The following NEK11 variants were observed in gnomAD, a reference collection of about 807,000 sequenced individuals.
NEK11 encodes the protein NIMA related kinase 11.
Under a neutral mutation model 80.7 loss-of-function variants are expected in NEK11, and 72 were observed. The observed-to-expected ratio is 0.89, with a 90% CI of 0.74 to 1.08. The LOEUF (loss-of-function observed/expected upper bound fraction) is 1.08, where lower values mean the gene tolerates loss of function less well. Ranked by LOEUF, NEK11 falls within the 50% of genes least tolerant of loss-of-function variation. The pLI is 0.00. For synonymous variants in NEK11, 251 were observed against 260.7 expected (o/e 0.96, Z 0.36); for missense variants, 764 against 763.6 (o/e 1.00, Z -0.01).
At chr3:131,039,788 C>T (rs1045958050) in intron 3 of NEK11, among the ~76,000 whole-genome samples, 1 of 152,176 alleles carries the variant, frequency 6.6e-6, no homozygotes, top group Admixed American at 6.5e-5. Flanking sequence ...ATTTATTACT[C>T]TTCAACTGAT....
intron 3 of NEK11, among the ~76,000 whole-genome samples, chr3:131,038,363 A>G (rs150947258): frequency 6.2e-4 from 94 of 152,344 alleles, no homozygotes; most frequent in Admixed American, 2.2e-3. Flanking sequence ...GCAAGGGCAC[A>G]TAGTTACTTT....
At chr3:131,083,855 C>T (rs556939938) in intron 4 of NEK11, among the ~76,000 whole-genome samples, 1 of 152,274 alleles carries the variant, frequency 6.6e-6, no homozygotes, top group East Asian at 1.9e-4. Flanking sequence ...CCAAAACTAC[C>T]AGAATGGCAG....
At chr3:131,283,317 C>A (rs1561364505) in intron 17 of NEK11, among the ~76,000 whole-genome samples, 2 of 152,218 alleles carry the variant, frequency 1.3e-5, no homozygotes, top group South Asian at 4.1e-4. Context: ...ATTTGGTAGC[C>A]ATAAGTACAA....
chr3:131,216,959 A>G (rs1378474311), intron 14 of NEK11, among the ~76,000 whole-genome samples: 1 of 152,170 alleles, frequency 6.6e-6, no homozygotes, highest in Non-Finnish European at 1.5e-5. Context: ...GCAGGGGCCC[A>G]TGGTATCATA....
chr3:131,085,308 G>A (rs2075827769), intron 4 of NEK11, among the ~76,000 whole-genome samples: 1 of 152,136 alleles, frequency 6.6e-6, no homozygotes, highest in African/African-American at 2.4e-5. Context: ...GTTCACAATG[G>A]CAATTGTAAT....
At chr3:131,304,539 A>G (rs979574213) in intron 17 of NEK11, among the ~76,000 whole-genome samples, 3 of 152,092 alleles carry the variant, frequency 2.0e-5, no homozygotes, top group Non-Finnish European at 2.9e-5. Context: ...TGTTCCTTCA[A>G]TCTTTGAAGT....
intron 4 of NEK11, among the ~76,000 whole-genome samples, chr3:131,096,570 T>TA (rs2077463075): frequency 6.6e-6 from 1 of 152,162 alleles, no homozygotes; most frequent in South Asian, 2.1e-4. Context: ...AGTTGAATAA[T>TA]AGCTCTGTTT....
At chr3:131,255,032 A>AAGAG (rs754846820) in intron 16 of NEK11, among the ~76,000 whole-genome samples, 2,241 of 128,332 alleles carry the variant, frequency 0.017, 29 homozygotes, top group African/African-American at 0.044. Context: ...GAAAGAAAGA[A>AAGAG]AGAGAGAGAG....
chr3:131,047,424 G>A (rs2067575189), intron 3 of NEK11, among the ~76,000 whole-genome samples: 2 of 152,246 alleles, frequency 1.3e-5, no homozygotes, highest in African/African-American at 2.4e-5. Context: ...AATGATCTGG[G>A]GCTCAAGGAC....
chr3:131,302,590 A>T (rs751233564), intron 17 of NEK11, among the ~76,000 whole-genome samples: 1 of 152,156 alleles, frequency 6.6e-6, no homozygotes, highest in Non-Finnish European at 1.5e-5. Flanking sequence ...TTGATGTCTA[A>T]CTTAATTGCA....
chr3:131,233,336 A>G (rs2095370130), intron 15 of NEK11, among the ~76,000 whole-genome samples: 3 of 152,276 alleles, frequency 2.0e-5, no homozygotes, highest in South Asian at 4.2e-4. Context: ...CCTGCATTGG[A>G]TCCCGAAGGT....
intron 5 of NEK11, among the ~76,000 whole-genome samples, chr3:131,125,530 A>G (rs932302454): frequency 3.3e-5 from 5 of 152,178 alleles, no homozygotes; most frequent in African/African-American, 1.2e-4. Context: ...ATAATTCTTT[A>G]GTAAAGTGAC....
At chr3:131,138,713 G>A (rs148464842) in intron 7 of NEK11, among the ~76,000 whole-genome samples, 1 of 152,260 alleles carries the variant, frequency 6.6e-6, no homozygotes, top group Non-Finnish European at 1.5e-5. Flanking sequence ...GAGAAAGTAA[G>A]GGAAGAGAAC....
chr3:131,112,023 T>G (rs1171315664), intron 5 of NEK11, among the ~76,000 whole-genome samples: 2 of 152,178 alleles, frequency 1.3e-5, no homozygotes, highest in Non-Finnish European at 2.9e-5. Flanking sequence ...GAGAAATGTT[T>G]GCAAAACTTT....
chr3:131,300,284 T>C (rs912108582), intron 17 of NEK11, among the ~76,000 whole-genome samples: 4 of 152,184 alleles, frequency 2.6e-5, no homozygotes, highest in African/African-American at 9.6e-5. Flanking sequence ...ATATTAGACC[T>C]TGTCAGATGT....
intron 14 of NEK11, 122 bp downstream of exon 14, chr3:131,171,009 A>C: frequency 3.9e-6 from 3 of 770,008 alleles, no homozygotes; most frequent in East Asian, 2.4e-5. Context: ...AGCTATTATC[A>C]GTTTACCAGG....
chr3:131,182,402 T>C (rs1324892039), intron 14 of NEK11, among the ~76,000 whole-genome samples: 2 of 152,190 alleles, frequency 1.3e-5, no homozygotes, highest in Admixed American at 1.3e-4. Flanking sequence ...TCCACTTCTG[T>C]CTTCAGGGAA....
At chr3:131,031,782 G>A (rs2064886408) in intron 3 of NEK11, among the ~76,000 whole-genome samples, 1 of 152,030 alleles carries the variant, frequency 6.6e-6, no homozygotes, top group Non-Finnish European at 1.5e-5. Flanking sequence ...CATGTTTGTG[G>A]AATGAATCCA....
intron 14 of NEK11, among the ~76,000 whole-genome samples, chr3:131,205,900 A>G (rs2094429183): frequency 1.3e-5 from 2 of 152,208 alleles, no homozygotes; most frequent in African/African-American, 4.8e-5. Flanking sequence ...GAGTTTTCTT[A>G]TCAGTTTTTC....
Sources: allele counts gnomAD v4.1 joint callset (sites outside exome capture counted in the v4.1 genomes callset), GRCh38; gene constraint gnomAD v4.1.1; transcripts MANE v1.5; gene names NCBI Gene and HGNC (gene_info 2026-07-23, HGNC 2026-07-21).